Variants in PPP1R9A observed in about 807,000 individuals in gnomAD.
The protein encoded by PPP1R9A is protein phosphatase 1 regulatory subunit 9A.
PPP1R9A carries 59 observed loss-of-function variants against 141.9 expected under a neutral mutation model. The observed-to-expected ratio is 0.42, with a 90% CI of 0.34 to 0.52. The LOEUF (loss-of-function observed/expected upper bound fraction) is 0.52, where lower values mean the gene tolerates loss of function less well. PPP1R9A is among the 20% of genes least tolerant of loss of function. PPP1R9A has a pLI of 0.10. For synonymous variants in PPP1R9A, 500 were observed against 569.7 expected, an observed-to-expected ratio of 0.88 and a Z score of 1.74; for missense variants, 1,444 against 1,611.9, an observed-to-expected ratio of 0.90 and a Z score of 1.78.
intron 3 of PPP1R9A, among the ~76,000 whole-genome samples, chr7:95,119,306 GTC>G (rs1584787815): frequency 6.6e-6 from 1 of 151,624 alleles, no homozygotes; most frequent in East Asian, 1.9e-4. Context: ...AAAAAAAAAA[GTC>G]ACACAGTATT....
chr7:95,191,564 C>T (rs1835507255), intron 5 of PPP1R9A, among the ~76,000 whole-genome samples: 1 of 151,886 alleles, frequency 6.6e-6, no homozygotes, highest in Admixed American at 6.6e-5. Context: ...GTATTTATTC[C>T]TTCTATATAG....
intron 5 of PPP1R9A, among the ~76,000 whole-genome samples, chr7:95,187,332 T>A (rs1428607191): frequency 6.6e-6 from 1 of 152,156 alleles, no homozygotes; most frequent in Non-Finnish European, 1.5e-5. Context: ...TTGAATGATC[T>A]TTTGTATTTC....
At chr7:95,259,689 A>G (rs1800137374) in intron 12 of PPP1R9A, among the ~76,000 whole-genome samples, 1 of 152,186 alleles carries the variant, frequency 6.6e-6, no homozygotes, top group Non-Finnish European at 1.5e-5. Context: ...ATAGGAACCT[A>G]GAATTTTAAA....
chr7:95,251,056 G>A (rs1483356687), intron 10 of PPP1R9A, among the ~76,000 whole-genome samples: 2 of 152,104 alleles, frequency 1.3e-5, no homozygotes, highest in Admixed American at 1.3e-4. Flanking sequence ...TTCCTATTAT[G>A]TGGAAGAATG....
At chr7:95,197,931 G>A (rs557267042) in intron 5 of PPP1R9A, among the ~76,000 whole-genome samples, 27 of 152,328 alleles carry the variant, frequency 1.8e-4, no homozygotes, top group African/African-American at 6.0e-4. Flanking sequence ...TTATAGGCTT[G>A]AGCCACTGAG....
chr7:94,975,895 T>G (rs562131480), intron 2 of PPP1R9A, among the ~76,000 whole-genome samples: 1 of 152,328 alleles, frequency 6.6e-6, no homozygotes, highest in African/African-American at 2.4e-5. Flanking sequence ...CAATTTCAGG[T>G]TATTCATTCC....
At chr7:95,127,914 C>T (rs575820955) in intron 4 of PPP1R9A, among the ~76,000 whole-genome samples, 1 of 152,232 alleles carries the variant, frequency 6.6e-6, no homozygotes, top group African/African-American at 2.4e-5. Flanking sequence ...TCTGTCTAGT[C>T]CACTGTTAGT....
At chr7:95,096,576 C>G (rs1416227132) in intron 2 of PPP1R9A, among the ~76,000 whole-genome samples, 2 of 152,120 alleles carry the variant, frequency 1.3e-5, no homozygotes, top group East Asian at 1.9e-4. Context: ...TGCTGGTTCT[C>G]TCTAATCTTC....
chr7:95,072,838 T>TATATATA, intron 2 of PPP1R9A, among the ~76,000 whole-genome samples: 1 of 52,648 alleles, frequency 1.9e-5, no homozygotes, highest in Admixed American at 3.9e-4. Flanking sequence ...TATATAATAA[T>TATATATA]TATTATATAT....
rs138910413 is a variant in PPP1R9A at position 95,033,819 on chromosome 7, T to A, written c.1396-77440T>A. Among the ~76,000 whole-genome samples, 921 of 152,272 alleles carry A rather than the reference T, an allele frequency of 6.0e-3. 10 individuals are homozygous for A. The highest frequency in any genetic ancestry group is 0.021 in the African/African-American group (858 of 41,554). On this transcript the variant is annotated intron_variant, in intron 2 of 19. Coordinates refer to ENST00000433360, the MANE Select transcript of PPP1R9A (RefSeq NM_001166160.2). ...TGCCAGTTTTGTCTTAAATCAATGATTCATATATGTATGGGTCTGTTTCTA... is the reference window on the plus strand; with the variant it reads ...TGCCAGTTTTGTCTTAAATCAATGAATCATATATGTATGGGTCTGTTTCTA...
intron 2 of PPP1R9A, among the ~76,000 whole-genome samples, chr7:95,021,621 T>C (rs1167166774): frequency 6.6e-6 from 1 of 152,208 alleles, no homozygotes; most frequent in East Asian, 1.9e-4. Flanking sequence ...TTTAAGTCTT[T>C]AATCCATCTT....
intron 5 of PPP1R9A, among the ~76,000 whole-genome samples, chr7:95,173,880 TA>T (rs1353882222): frequency 6.6e-6 from 1 of 152,076 alleles, no homozygotes; most frequent in East Asian, 1.9e-4. Flanking sequence ...TATGCATTGA[TA>T]AGCATATGGA....
intron 8 of PPP1R9A, among the ~76,000 whole-genome samples, chr7:95,230,335 AT>A (rs1795749636): frequency 6.6e-6 from 1 of 152,186 alleles, no homozygotes. Flanking sequence ...TGCCAGAAAA[AT>A]ATTTTAGAAG....
intron 2 of PPP1R9A, among the ~76,000 whole-genome samples, chr7:95,102,011 T>C (rs941064019): frequency 1.3e-5 from 2 of 152,140 alleles, no homozygotes; most frequent in Non-Finnish European, 2.9e-5. Flanking sequence ...CAAAAGTAGC[T>C]TATGGATATT....
chr7:94,925,769 C>T (rs1793399824), intron 2 of PPP1R9A, among the ~76,000 whole-genome samples: 6 of 151,978 alleles, frequency 3.9e-5, no homozygotes, highest in Admixed American at 3.3e-4. Context: ...GCCCTTTCTC[C>T]TTCCTCTTCT....
At chr7:95,139,846 C>T (rs1826330021) in intron 4 of PPP1R9A, among the ~76,000 whole-genome samples, 1 of 148,846 alleles carries the variant, frequency 6.7e-6, no homozygotes, top group African/African-American at 2.5e-5. Context: ...AACCCTGAAG[C>T]TTTGACTCCC....
chr7:95,225,548 T>C (rs1373219160), intron 7 of PPP1R9A, among the ~76,000 whole-genome samples: 1 of 152,158 alleles, frequency 6.6e-6, no homozygotes, highest in African/African-American at 2.4e-5. Context: ...TAAGGTCCCT[T>C]CCAACTCTGT....
chr7:95,243,838 G>A (rs1797774352), intron 8 of PPP1R9A, among the ~76,000 whole-genome samples: 1 of 152,028 alleles, frequency 6.6e-6, no homozygotes, highest in Admixed American at 6.6e-5. Context: ...AAATAAAGGG[G>A]CCTACAAATG....
At chr7:95,272,767 A>G (rs1802410456) in intron 14 of PPP1R9A, among the ~76,000 whole-genome samples, 1 of 152,188 alleles carries the variant, frequency 6.6e-6, no homozygotes, top group South Asian at 2.1e-4. Context: ...AATCATGAGC[A>G]ACATTAACCT....
Sources: gnomAD v4.1 joint callset for allele counts (sites outside exome capture counted in the v4.1 genomes callset) on GRCh38, gnomAD v4.1.1 for gene constraint, MANE v1.5 for transcripts, NCBI Gene and HGNC (gene_info 2026-07-23, HGNC 2026-07-21) for gene names.